Variants in NAALADL1 observed in about 807,000 individuals in gnomAD.
NAALADL1 encodes the protein N-acetylated alpha-linked acidic dipeptidase like 1, also known as aminopeptidase NAALADL1.
NAALADL1 carries 77 observed loss-of-function variants against 82.8 expected under a neutral mutation model. That is an observed-to-expected ratio of 0.93 (90% CI 0.77 to 1.12). The LOEUF (loss-of-function observed/expected upper bound fraction) is 1.12. NAALADL1 is among the 50% of genes most tolerant of loss of function. The pLI is 0.00. For synonymous variants in NAALADL1, 358 were observed against 399.2 expected (o/e 0.90, Z 1.23); for missense variants, 956 against 964.0 (o/e 0.99, Z 0.11).
In NAALADL1 at chr11:65,053,526, T is replaced by G. The variant is rs551297959; in HGVS notation, c.1043A>C (p.Asn348Thr). The G allele has an allele frequency of 1.2e-6, 2 of 1,613,206 alleles. No homozygotes were observed. Among genetic ancestry groups the G allele is most frequent in the Non-Finnish European group, 1.7e-6 (2 of 1,179,688 alleles). ...AGCCCCACGGATGATGCCCAGGACG[T>G]TGGAAGAGTTCCTCAGCTCCAGGCG... is the stretch of plus-strand genomic sequence containing the variant. ...YNRLELRNSS[N>T]VLGIIRGAVE... Residue 348 changes from asparagine (N) to threonine (T), a missense_variant, in exon 7 of 18, where the codon AAC (asparagine) becomes ACC (threonine). Physicochemically the swap from Asn to Thr is moderately conservative, Grantham distance 65 (BLOSUM62 0). Transcript: ENST00000358658. This position sits in a 1 kb window ranked among gnomAD's most constrained non-coding sequence, Gnocchi z 4.3.
At chr11:65,059,134 T>A (rs1483733749), upstream of NAALADL1, among the ~76,000 whole-genome samples, 1 of 152,012 alleles carries the variant, frequency 6.6e-6, no homozygotes, top group Admixed American at 6.6e-5. Flanking sequence ...TGCATCGGCC[T>A]CCCGAGTAGC....
upstream of NAALADL1, among the ~76,000 whole-genome samples, chr11:65,060,772 G>A (rs746457496): frequency 6.6e-6 from 1 of 152,102 alleles, no homozygotes; most frequent in South Asian, 2.1e-4. Context: ...CTGTGTGGGT[G>A]GTATGGCCCC....
chr11:65,052,325 T>C (rs897376200), intron 8 of NAALADL1, among the ~76,000 whole-genome samples: 58 of 151,824 alleles, frequency 3.8e-4, no homozygotes, highest in Non-Finnish European at 7.5e-4. Flanking sequence ...TCCCCGCTTT[T>C]TTTTTTTAGA....
chr11:65,058,229 G>T lies in NAALADL1; in HGVS notation c.207C>A (p.His69Gln). The change falls in exon 2 of 18, where the codon CAC (histidine) becomes CAA (glutamine). Residue 69 changes from histidine (H) to glutamine (Q), a missense_variant. Coordinates refer to ENST00000358658, the MANE Select transcript of NAALADL1 (RefSeq NM_005468.3). Reference sequence around the variant, plus strand: ...CCTCATCCCGAGGGCTGGAGGCCAGGTGTGGCTCCCTGGAGAGTTCTCTGC... The same window carrying T: ...CCTCATCCCGAGGGCTGGAGGCCAGTTGTGGCTCCCTGGAGAGTTCTCTGC... ...ENLRELSREP[H>Q]LASSPRDEDL... The T allele has an allele frequency of 6.2e-7, 1 of 1,613,590 alleles. No homozygotes were observed. Among genetic ancestry groups the T allele is most frequent in the Non-Finnish European group, 8.5e-7 (1 of 1,179,784 alleles).
In NAALADL1 at chr11:65,054,111, A is replaced by G. The variant is rs1261804475; in HGVS notation, c.992+139T>C. 27 of 729,198 alleles carry G rather than the reference A, an allele frequency of 3.7e-5. No individual in the cohort carries two copies. Among genetic ancestry groups the G allele is most frequent in the Non-Finnish European group, 4.0e-5 (18 of 448,314 alleles). The allele number at this position is 729,198 out of a possible 1,614,324, so 45.2% of individuals were successfully genotyped here. On this transcript the variant is annotated intron_variant, in intron 6 of 17. Coordinates refer to ENST00000358658, the MANE Select transcript of NAALADL1 (RefSeq NM_005468.3). This position sits in a 1 kb window ranked among gnomAD's most constrained non-coding sequence, Gnocchi z 4.3. ...CAAAAACAAGACATATTTTGGGGTC[A>G]GGAGAGGGTCTGGGAGAGAGAGGAA...
intron 3 of NAALADL1, 53 bp downstream of exon 3, chr11:65,057,822 T>A: frequency 6.2e-7 from 1 of 1,606,400 alleles, no homozygotes; most frequent in Non-Finnish European, 8.5e-7. Flanking sequence ...GGGAGAACCC[T>A]GGGTGGAACC....
At chr11:65,058,633 C>T, upstream of NAALADL1, 1 of 1,064,126 alleles carries the variant, frequency 9.4e-7, no homozygotes, top group South Asian at 1.7e-5. Flanking sequence ...CCTTTGACCC[C>T]CAGCTGGCAG....
At chr11:65,059,753 G>T (rs904387738), upstream of NAALADL1, among the ~76,000 whole-genome samples, 1 of 152,200 alleles carries the variant, frequency 6.6e-6, no homozygotes, top group Non-Finnish European at 1.5e-5. Flanking sequence ...TCCAGCAGGC[G>T]AGGCAGACAG....
At chr11:65,057,641 C>T in intron 3 of NAALADL1, 148 bp from the exon 4 acceptor site, 2 of 1,286,778 alleles carry the variant, frequency 1.6e-6, no homozygotes, top group Non-Finnish European at 1.1e-6. Flanking sequence ...GAACAGTCAC[C>T]CCTCATTTCC....
rs369881499 is a variant in NAALADL1, at chr11:65,057,961, G to A, written c.394C>T (p.Arg132Trp). The change falls in exon 3 of 18, where the codon CGG becomes TGG. Residue 132 changes from arginine (R) to tryptophan (W), a missense_variant. Arg to Trp is a moderately radical substitution (Grantham distance 101, BLOSUM62 -3). Transcript: ENST00000358658. ...TCCCCGGTCACGTTCTCCTCAGTCC[G>A]GTGGCAGGAGTGGATGATGCCCCCA... ...PTGGIIHSCH[R>W]TEENVTGEQG... The A allele has an allele frequency of 6.6e-5, 107 of 1,614,128 alleles. No individual in the cohort carries two copies. Among genetic ancestry groups the A allele is most frequent in the African/African-American group, 5.3e-4 (40 of 75,028 alleles).
chr11:65,054,550 G>A lies in NAALADL1; in HGVS notation c.792C>T (p.Val264=), dbSNP rs1249107462. The A allele has an allele frequency of 6.2e-7, 1 of 1,613,956 alleles. No individual in the cohort carries two copies. Among genetic ancestry groups the A allele is most frequent in the South Asian group, 1.1e-5 (1 of 91,066 alleles). The change falls in exon 5 of 18, where the codon GTC becomes GTT. Residue 264 remains valine (V), a synonymous_variant. Transcript: ENST00000358658. The surrounding 1 kb of genome is among the most constrained non-coding windows in gnomAD (Gnocchi z 4.3). The stretch of plus-strand genomic sequence containing the variant: ...CAAGGTCCACGCGGAAGGAAGAGGG[G>A]ACGGCTGGAAGGTAGGGAGTCAGAG... ...GDPLTPYLPA[V]PSSFRVDLAN...
chr11:65,046,969 T>G (rs1946746409), intron 13 of NAALADL1, among the ~76,000 whole-genome samples: 2 of 150,936 alleles, frequency 1.3e-5, no homozygotes, highest in African/African-American at 4.9e-5. Context: ...GAGATTAACT[T>G]CCCCCCTCCC....
chr11:65,061,002 A>T (rs950563455), upstream of NAALADL1, among the ~76,000 whole-genome samples: 3 of 151,712 alleles, frequency 2.0e-5, no homozygotes, highest in South Asian at 6.2e-4. Context: ...TCCCACGTGT[A>T]CTCACCTTGC....
At position 65,046,379 on chromosome 11, in the gene NAALADL1, A is replaced by G. The variant is rs200748340; in HGVS notation, c.1682-17T>C. ...TGCTGAAGCCTGCGGCAAGGTGACA[A>G]GGCCAGGGCTCAGTCTTCAGCCTCT... On this transcript the variant is annotated splice_polypyrimidine_tract_variant and intron_variant, in intron 14 of 17. Transcript: ENST00000358658. The G allele has an allele frequency of 1.2e-6, 2 of 1,614,060 alleles. No individual in the cohort carries two copies. Among genetic ancestry groups the G allele is most frequent in the Non-Finnish European group, 8.5e-7 (1 of 1,180,020 alleles).
chr11:65,048,219 C>CG lies in NAALADL1; in HGVS notation c.1285-5dup, dbSNP rs1565224931. 1 of 1,614,002 alleles carries CG rather than the reference C, an allele frequency of 6.2e-7. No individual in the cohort carries two copies. The highest frequency in any genetic ancestry group is 1.1e-5 in the South Asian group (1 of 91,066). Reference sequence around the variant, plus strand: ...CCTGCAGCTTGTTGAAGAACTCCTGCGGGTGCGAGGGGCGACGTCAGCCCC... The same window carrying CG: ...CCTGCAGCTTGTTGAAGAACTCCTGCGGGGTGCGAGGGGCGACGTCAGCCCC... On this transcript the variant is annotated splice_region_variant and splice_polypyrimidine_tract_variant and intron_variant, in intron 9 of 17. Coordinates refer to ENST00000358658, the MANE Select transcript of NAALADL1 (RefSeq NM_005468.3).
chr11:65,057,464 C>T lies in NAALADL1; in HGVS notation c.510G>A (p.Ala170=), dbSNP rs141550971. 4.3e-5 allele frequency: 70 copies of T among 1,614,106 alleles called. No individual in the cohort carries two copies. Among genetic ancestry groups the T allele is most frequent in the South Asian group, 8.8e-5 (8 of 91,070 alleles). Residue 170 remains alanine, a synonymous_variant, in exon 4 of 18, where the codon GCG becomes GCA. Transcript: ENST00000358658. ...TCTGTAGCTCCTTAAAGTCTTCTTC[C>T]GCGCCCCGGTTGGCATAGACGAGGA... ...QGLLVYANRG[A]EEDFKELQTQ...
intron 11 of NAALADL1, 71 bp downstream of exon 11, chr11:65,047,910 C>CCTT: frequency 7.4e-7 from 1 of 1,358,314 alleles, no homozygotes. Flanking sequence ...CCCGCCCACC[C>CCTT]GTAGCGGCCC....
chr11:65,054,432 G>A lies in NAALADL1; in HGVS notation c.887+23C>T. The A allele has an allele frequency of 6.2e-7, 1 of 1,613,298 alleles. No individual in the cohort carries two copies. Among genetic ancestry groups the A allele is most frequent in the Non-Finnish European group, 8.5e-7 (1 of 1,179,424 alleles). ...TCTGGAGGCCACTGGGGCTGGGCAGGACACCCCAGGGCACAAACTCACCAG... is the reference window on the plus strand; with the variant it reads ...TCTGGAGGCCACTGGGGCTGGGCAGAACACCCCAGGGCACAAACTCACCAG... On this transcript the variant is annotated intron_variant, in intron 5 of 17. Transcript: ENST00000358658. The surrounding 1 kb of genome is among the most constrained non-coding windows in gnomAD (Gnocchi z 4.3).
chr11:65,048,018 G>A lies in NAALADL1; in HGVS notation c.1379C>T (p.Pro460Leu), dbSNP rs199793239. 3.4e-4 allele frequency: 551 copies of A among 1,613,728 alleles called. 3 individuals are homozygous for A. Among genetic ancestry groups the A allele is most frequent in the Non-Finnish European group, 2.0e-5 (24 of 1,179,864 alleles). ...AGAGAAGACGACGCTCTGGACAGGG[G>A]GCGTCCCCTGCACCCTAAGGGTAGC... ...ANATLRVQGT[P>L]PVQSVVFSAT... is the part of the protein sequence containing the mutation. The change falls in exon 11 of 18, where the codon CCC becomes CTC. Residue 460 changes from proline to leucine, a missense_variant. Pro to Leu is a moderately conservative substitution (Grantham distance 98). Transcript: ENST00000358658.
Sources: gnomAD v4.1 joint callset for allele counts (sites outside exome capture counted in the v4.1 genomes callset) on GRCh38, gnomAD v4.1.1 for gene constraint, Gnocchi (gnomAD v3.1) non-coding constraint, MANE v1.5 for transcripts, NCBI Gene and HGNC (gene_info 2026-07-23, HGNC 2026-07-21) for gene names.